The following OLFM2 variants were observed in gnomAD, a reference collection of about 807,000 sequenced individuals.
The protein encoded by OLFM2 is noelin-2.
A neutral mutation model predicts 43.9 loss-of-function variants in OLFM2; 20 were observed. The ratio of observed to expected loss-of-function variants is 0.46; its 90% CI spans 0.32 to 0.66. The LOEUF is 0.66. OLFM2 is among the 30% of genes least tolerant of loss of function. The pLI, the probability that OLFM2 is intolerant of heterozygous loss-of-function variation, is 0.04. For missense variants in OLFM2, 416 were observed against 643.6 expected (o/e 0.65, Z 3.83); for synonymous variants, 268 against 278.6 (o/e 0.96, Z 0.38).
At chr19:9,861,741 T>A (rs12609594) in intron 1 of OLFM2, among the ~76,000 whole-genome samples, 2 of 152,100 alleles carry the variant, frequency 1.3e-5, no homozygotes, top group Admixed American at 6.5e-5. Flanking sequence ...CAGGGAACTC[T>A]AGACACAAAT....
rs539246069 is a variant in OLFM2, at chr19:9,873,981, G to T, written c.64-13187C>A. 2.1e-4 allele frequency among the ~76,000 whole-genome samples: 32 copies of T among 151,834 alleles called. No homozygotes were observed. In the East Asian group the frequency reaches 5.8e-3, roughly 28 times the overall value. On this transcript the variant is annotated intron_variant, in intron 1 of 5. Coordinates refer to ENST00000264833, the MANE Select transcript of OLFM2 (RefSeq NM_058164.4). ...ACTTTTACTTTTGGAATTATTTTAG[G>T]TTTACAGAAAAGTTACAACAATAAT... is the stretch of plus-strand genomic sequence containing the variant.
At chr19:9,871,943 C>T (rs17273881) in intron 1 of OLFM2, among the ~76,000 whole-genome samples, 39,415 of 152,132 alleles carry the variant, frequency 0.26, 5,433 homozygotes, top group Middle Eastern at 0.37. Flanking sequence ...CTTTCTGCCA[C>T]GGAGCTTGCT....
At chr19:9,910,061 CCTGA>C (rs1390218790) in intron 1 of OLFM2, among the ~76,000 whole-genome samples, 2 of 151,990 alleles carry the variant, frequency 1.3e-5, no homozygotes, top group East Asian at 1.9e-4. Context: ...CTAAATTCCC[CCTGA>C]CTAATAAGGA....
chr19:9,884,276 T>A (rs1599479860), intron 1 of OLFM2, among the ~76,000 whole-genome samples: 1 of 130,940 alleles, frequency 7.6e-6, no homozygotes. Context: ...TCTCAAAAAT[T>A]AAAAAAAAAA....
At chr19:9,899,947 A>G (rs2046716831) in intron 1 of OLFM2, among the ~76,000 whole-genome samples, 1 of 151,496 alleles carries the variant, frequency 6.6e-6, no homozygotes, top group South Asian at 2.1e-4. Flanking sequence ...ATCTCCTCCC[A>G]CCACAATGTC....
chr19:9,854,142 C>T lies in OLFM2; in HGVS notation c.*44G>A. 2.5e-6 allele frequency: 4 copies of T among 1,572,586 alleles called. No individual in the cohort carries two copies. Among genetic ancestry groups the T allele is most frequent in the Non-Finnish European group, 3.5e-6 (4 of 1,144,148 alleles). ...CAGGCAGAATGAAAAGGGCCCCCAG[C>T]CCCCAGAGGCCCCCCAGGCAGCAGC... On this transcript the variant is annotated 3_prime_UTR_variant, in exon 6 of 6. Coordinates refer to ENST00000264833, the MANE Select transcript of OLFM2 (RefSeq NM_058164.4). This position sits in a 1 kb window ranked among gnomAD's most constrained non-coding sequence, Gnocchi z 9.5.
At chr19:9,865,168 CTT>C (rs35685928) in intron 1 of OLFM2, among the ~76,000 whole-genome samples, 64 of 143,822 alleles carry the variant, frequency 4.4e-4, no homozygotes, top group Non-Finnish European at 5.2e-4. Flanking sequence ...TTCTTCTCCT[CTT>C]TTTTTTTTTT....
chr19:9,904,224 T>C (rs1466032136), intron 1 of OLFM2, among the ~76,000 whole-genome samples: 1 of 151,086 alleles, frequency 6.6e-6, no homozygotes, highest in East Asian at 2.0e-4. Context: ...GGAGTCTCAC[T>C]CTGTCGCCCA....
intron 1 of OLFM2, among the ~76,000 whole-genome samples, chr19:9,932,603 T>C (rs1599507041): frequency 6.6e-6 from 1 of 151,832 alleles, no homozygotes; most frequent in Non-Finnish European, 1.5e-5. Context: ...CAGAGATAAA[T>C]AGCTACCAGG....
At chr19:9,909,687 G>A (rs993378757) in intron 1 of OLFM2, among the ~76,000 whole-genome samples, 4 of 152,100 alleles carry the variant, frequency 2.6e-5, no homozygotes, top group Admixed American at 2.0e-4. Context: ...CAGCCTCCCC[G>A]ACGTTGGGGT....
In OLFM2 at chr19:9,853,854, A is replaced by C. The variant is rs1406969277; in HGVS notation, c.*332T>G. The C allele has an allele frequency of 3.9e-6, 2 of 513,874 alleles. No individual in the cohort carries two copies. The highest frequency in any genetic ancestry group is 6.8e-6 in the Non-Finnish European group (2 of 294,880). The allele number at this position is 513,874 out of a possible 1,614,324, so 31.8% of individuals were successfully genotyped here. A position where few individuals can be genotyped will look rare whatever the true frequency, so the allele number is the denominator to read the frequency against. On this transcript the variant is annotated 3_prime_UTR_variant, in exon 6 of 6. Transcript: ENST00000264833. The stretch of plus-strand genomic sequence containing the variant: ...GAGGGATGAGGAATGGGTGGGAAGC[A>C]AGGAGGGAGGGGTGGAAGGACAGAG...
chr19:9,926,544 T>G (rs961578461), intron 1 of OLFM2, among the ~76,000 whole-genome samples: 2 of 151,990 alleles, frequency 1.3e-5, no homozygotes, highest in Non-Finnish European at 2.9e-5. Context: ...AGAGCGAGAC[T>G]CCATCTCAAA....
At chr19:9,864,081 C>A (rs1319892413) in intron 1 of OLFM2, among the ~76,000 whole-genome samples, 1 of 152,180 alleles carries the variant, frequency 6.6e-6, no homozygotes, top group African/African-American at 2.4e-5. Context: ...TGGTCATATC[C>A]CACCCTGCCC....
intron 1 of OLFM2, among the ~76,000 whole-genome samples, chr19:9,874,037 A>C (rs4508522): frequency 0.97 from 148,057 of 152,116 alleles, 72,345 homozygotes; most frequent in Middle Eastern, 1. Flanking sequence ...TCTCATCCTG[A>C]CTTCCCTGTT....
chr19:9,927,366 C>A (rs1256004870), intron 1 of OLFM2, among the ~76,000 whole-genome samples: 1 of 152,118 alleles, frequency 6.6e-6, no homozygotes, highest in Non-Finnish European at 1.5e-5. Flanking sequence ...AGATCACAAC[C>A]TTTTCAAGCT....
chr19:9,871,638 C>T (rs1229730042), intron 1 of OLFM2, among the ~76,000 whole-genome samples: 1 of 151,376 alleles, frequency 6.6e-6, no homozygotes, highest in Non-Finnish European at 1.5e-5. Flanking sequence ...AGCTGGAATT[C>T]GAACACAGGC....
chr19:9,877,775 G>A (rs2046504201), intron 1 of OLFM2, among the ~76,000 whole-genome samples: 1 of 151,960 alleles, frequency 6.6e-6, no homozygotes, highest in South Asian at 2.1e-4. Flanking sequence ...GATAACCTTT[G>A]CCAGAGGCTG....
At chr19:9,880,674 A>C (rs916974682) in intron 1 of OLFM2, among the ~76,000 whole-genome samples, 1 of 152,172 alleles carries the variant, frequency 6.6e-6, no homozygotes, top group Non-Finnish European at 1.5e-5. Flanking sequence ...GTGAAGATAC[A>C]GTAAGAAGGT....
rs1229154720 is a variant in OLFM2, at chr19:9,857,780, G to T, written c.295C>A (p.Leu99Ile). ...DLQYVRGMET[L>I]MRSLDARLRA... ...AGCCGCGCATCCAGGCTCCGCATGAGGGTCTCCATGCCGCGTACATACTGG... is the reference window on the plus strand; with the variant it reads ...AGCCGCGCATCCAGGCTCCGCATGATGGTCTCCATGCCGCGTACATACTGG... The change falls in exon 3 of 6, where the codon CTC becomes ATC. Residue 99 changes from leucine (L) to isoleucine (I), a missense_variant. Coordinates refer to ENST00000264833, the MANE Select transcript of OLFM2 (RefSeq NM_058164.4). The surrounding 1 kb of genome is among the most constrained non-coding windows in gnomAD (Gnocchi z 5.7). 6.2e-7 allele frequency: 1 copy of T among 1,613,992 alleles called. No individual in the cohort carries two copies. Among genetic ancestry groups the T allele is most frequent in the African/African-American group, 1.3e-5 (1 of 74,920 alleles).
Sources: allele counts gnomAD v4.1 joint callset (sites outside exome capture counted in the v4.1 genomes callset), GRCh38; gene constraint gnomAD v4.1.1; non-coding constraint Gnocchi (gnomAD v3.1); transcripts MANE v1.5; gene names NCBI Gene and HGNC (gene_info 2026-07-23, HGNC 2026-07-21).